The following SYT14 variants were observed in gnomAD, a reference collection of about 807,000 sequenced individuals.
SYT14 encodes the protein synaptotagmin 14.
SYT14 carries 32 observed loss-of-function variants against 74.2 expected under a neutral mutation model. That is an observed-to-expected ratio of 0.43 (90% confidence interval 0.33 to 0.58). The LOEUF is 0.58. Ranked by LOEUF, SYT14 falls within the 20% of genes least tolerant of loss-of-function variation. The pLI is 0.05. For missense variants in SYT14, 791 were observed against 981.8 expected, an observed-to-expected ratio of 0.81 and a Z score of 2.60; for synonymous variants, 298 against 337.7, an observed-to-expected ratio of 0.88 and a Z score of 1.29.
chr1:210,138,953 AT>A (rs995272858), intron 7 of SYT14, among the ~76,000 whole-genome samples: 2 of 152,196 alleles, frequency 1.3e-5, no homozygotes, highest in African/African-American at 4.8e-5. Flanking sequence ...ACAAACCTAA[AT>A]ATCAAATTTC....
intron 1 of SYT14, 67 bp downstream of exon 1, chr1:209,938,344 C>A: frequency 6.7e-7 from 1 of 1,484,764 alleles, no homozygotes; most frequent in Non-Finnish European, 9.1e-7. Context: ...CTCGGAGGTG[C>A]GCCGGCAGGC....
intron 2 of SYT14, among the ~76,000 whole-genome samples, chr1:209,964,782 G>T (rs1363470897): frequency 6.6e-6 from 1 of 152,022 alleles, no homozygotes; most frequent in Admixed American, 6.6e-5. Flanking sequence ...TTCATGGAGG[G>T]CTTGCCATGT....
intron 4 of SYT14, among the ~76,000 whole-genome samples, chr1:210,018,396 G>A (rs538790954): frequency 6.6e-6 from 1 of 152,236 alleles, no homozygotes; most frequent in East Asian, 1.9e-4. Context: ...GCCTCCCAAA[G>A]TGCTAGGATT....
exon 10 of SYT14, chr1:210,161,426 A>T: frequency 2.2e-6 from 1 of 455,966 alleles, no homozygotes; most frequent in South Asian, 1.6e-5. Flanking sequence ...ATATCACCCT[A>T]CATATTATTT....
rs139902336 is a variant in SYT14, at chr1:210,032,932, A to ATT, written c.1312+11687_1312+11688dup. On this transcript the variant is annotated intron_variant, in intron 5 of 9. Transcript: ENST00000637265. Reference sequence around the variant, plus strand: ...TACTCCCCAAATTATTGCATTTTCAATTTTTTTTTTGCCTTAAAACTGAGT... The same window carrying ATT: ...TACTCCCCAAATTATTGCATTTTCAATTTTTTTTTTTTGCCTTAAAACTGAGT... 2.7e-5 allele frequency among the ~76,000 whole-genome samples: 4 copies of ATT among 149,556 alleles called. No homozygotes were observed. In the East Asian group the frequency reaches 5.9e-4, roughly 22 times the overall value.
chr1:210,033,570 T>C (rs888678688), intron 5 of SYT14, among the ~76,000 whole-genome samples: 34 of 151,736 alleles, frequency 2.2e-4, no homozygotes, highest in African/African-American at 8.2e-4. Context: ...TGATATGTAC[T>C]CATAAGGGTA....
chr1:210,025,859 T>G (rs952968093), intron 5 of SYT14, among the ~76,000 whole-genome samples: 6 of 152,192 alleles, frequency 3.9e-5, no homozygotes, highest in African/African-American at 1.4e-4. Flanking sequence ...AGATAAAAAC[T>G]ATACTTGTCA....
In SYT14 at chr1:210,111,764, A is replaced by G. The variant is rs113581719; in HGVS notation, c.2034+11303A>G. Among the ~76,000 whole-genome samples the G allele has an allele frequency of 3.7e-4, 56 of 151,404 alleles. 5 individuals carry two copies. Among genetic ancestry groups the G allele is most frequent in the African/African-American group, 1.3e-3 (54 of 40,692 alleles). On this transcript the variant is annotated intron_variant, in intron 7 of 9. Transcript: ENST00000637265. ...AGTCCGAATAATAGGAGAAAAACAG[A>G]TATTAAAGGACTAAGAATTGGGAGG...
At chr1:210,019,566 A>G (rs2080261954) in intron 4 of SYT14, among the ~76,000 whole-genome samples, 1 of 152,210 alleles carries the variant, frequency 6.6e-6, no homozygotes, top group Admixed American at 6.5e-5. Context: ...GCCACAATAT[A>G]TGACATTGGT....
At chr1:210,166,204 C>G (rs764570058) in exon 10 of SYT14, 1 of 152,212 alleles carries the variant, frequency 6.6e-6, no homozygotes, top group African/African-American at 2.4e-5. Context: ...TGAGGACACA[C>G]GTTCTTTCCA....
In SYT14 at chr1:210,115,766, CT is replaced by C. The variant is rs996375010; in HGVS notation, c.2034+15308del. 6.6e-5 allele frequency among the ~76,000 whole-genome samples: 10 copies of C among 151,366 alleles called. 1 individual carries two copies. Among genetic ancestry groups the C allele is most frequent in the African/African-American group, 1.2e-4 (5 of 40,674 alleles). On this transcript the variant is annotated intron_variant, in intron 7 of 9. Transcript: ENST00000637265. ...TGAGGACCCGAGGTCGTAGGTGGAT[CT>C]TTCTCATGGAGCAAAGAGCAGGAGG...
At chr1:209,960,077 T>C (rs2079055107) in intron 2 of SYT14, among the ~76,000 whole-genome samples, 2 of 152,210 alleles carry the variant, frequency 1.3e-5, no homozygotes, top group Admixed American at 1.3e-4. Flanking sequence ...AAAATAATGA[T>C]ATGCCTGAGA....
chr1:210,151,478 C>T (rs543330524), intron 7 of SYT14, among the ~76,000 whole-genome samples: 1 of 150,158 alleles, frequency 6.7e-6, no homozygotes, highest in South Asian at 2.1e-4. Flanking sequence ...TGTCAGCCTC[C>T]CAAGTAGCTG....
chr1:210,113,657 G>T lies in SYT14; in HGVS notation c.2034+13196G>T, dbSNP rs951616762. On this transcript the variant is annotated intron_variant, in intron 7 of 9. Coordinates refer to ENST00000637265, the Ensembl canonical transcript of SYT14. ...GGAGTAGAGGTGTCCCATACTTGTG[G>T]ATTAAGGTGGGGAGATAGAAGGGGA... Among the ~76,000 whole-genome samples the T allele has an allele frequency of 2.0e-5, 3 of 150,926 alleles. 1 individual carries two copies. The highest frequency in any genetic ancestry group is 7.4e-5 in the African/African-American group (3 of 40,294).
At chr1:209,983,961 G>A (rs2079531871) in intron 2 of SYT14, among the ~76,000 whole-genome samples, 1 of 152,100 alleles carries the variant, frequency 6.6e-6, no homozygotes, top group African/African-American at 2.4e-5. Flanking sequence ...AGTCAGAGAT[G>A]TTTCTTTTTC....
chr1:209,952,719 A>G, exon 2 of SYT14: 1 of 1,610,980 alleles, frequency 6.2e-7, no homozygotes, highest in Non-Finnish European at 8.5e-7. Context: ...GTGGAGAGAG[A>G]ACCTGTGGAG....
intron 2 of SYT14, among the ~76,000 whole-genome samples, chr1:210,001,979 G>A (rs984628961): frequency 6.6e-6 from 1 of 152,152 alleles, no homozygotes; most frequent in African/African-American, 2.4e-5. Flanking sequence ...AGGACAGTCA[G>A]TTCTGATTTA....
chr1:210,036,776 A>G (rs1000118230), intron 5 of SYT14, among the ~76,000 whole-genome samples: 1 of 152,058 alleles, frequency 6.6e-6, no homozygotes, highest in African/African-American at 2.4e-5. Context: ...TCCCTGAAAT[A>G]AATCCCACTT....
intron 2 of SYT14, among the ~76,000 whole-genome samples, chr1:209,983,754 G>A (rs2079527755): frequency 6.6e-6 from 1 of 152,050 alleles, no homozygotes; most frequent in Non-Finnish European, 1.5e-5. Flanking sequence ...TTGAGAATGG[G>A]CCATACTTTC....
Sources: gnomAD v4.1 joint callset for allele counts (sites outside exome capture counted in the v4.1 genomes callset) on GRCh38, gnomAD v4.1.1 for gene constraint, MANE v1.5 for transcripts, NCBI Gene and HGNC (gene_info 2026-07-23, HGNC 2026-07-21) for gene names.